NFIB: variants seen among roughly 807,000 people sequenced by gnomAD.
NFIB encodes nuclear factor I B.
In NFIB, 11 loss-of-function variants were observed where a neutral mutation model predicts 61.5. The ratio of observed to expected loss-of-function variants is 0.18; its 90% CI spans 0.11 to 0.30. NFIB has a LOEUF of 0.30. Among genes scored for constraint, NFIB ranks in the 10% least tolerant of loss-of-function variants. NFIB has a pLI of 1.00. For synonymous variants in NFIB, 260 were observed against 216.5 expected (o/e 1.20, Z -1.76); for missense variants, 471 against 608.9 (o/e 0.77, Z 2.38).
intron 1 of NFIB, among the ~76,000 whole-genome samples, chr9:14,344,132 G>C (rs1358736061): frequency 6.7e-6 from 1 of 148,954 alleles, no homozygotes; most frequent in Non-Finnish European, 1.5e-5. Context: ...GAGAGAGAGA[G>C]AGAAACACTA....
chr9:14,247,224 A>G (rs544912084), intron 2 of NFIB, among the ~76,000 whole-genome samples: 2 of 152,344 alleles, frequency 1.3e-5, no homozygotes, highest in African/African-American at 4.8e-5. Flanking sequence ...AGAGAACTTG[A>G]ACAGTCCACA....
the NFIB span, among the ~76,000 whole-genome samples, chr9:14,500,662 A>G: frequency 6.6e-6 from 1 of 152,202 alleles, no homozygotes; most frequent in African/African-American, 2.4e-5. Flanking sequence ...CAAACAAAAA[A>G]TCCAACTCAA....
chr9:14,352,821 G>A (rs2061129636), intron 1 of NFIB, among the ~76,000 whole-genome samples: 1 of 152,348 alleles, frequency 6.6e-6, no homozygotes, highest in Admixed American at 6.5e-5. Context: ...GAAGGACCCT[G>A]TAGCCTTTCC....
the NFIB span, among the ~76,000 whole-genome samples, chr9:14,424,446 C>T: frequency 6.0e-4 from 92 of 152,298 alleles, 1 homozygote; most frequent in African/African-American, 2.2e-3. Flanking sequence ...ATTAAATAAA[C>T]CTGTTTACCT....
the NFIB span, among the ~76,000 whole-genome samples, chr9:14,498,418 G>T: frequency 2.6e-5 from 4 of 152,184 alleles, no homozygotes; most frequent in Non-Finnish European, 5.9e-5. Flanking sequence ...TGGGTAGCGT[G>T]GACAACCAGT....
At chr9:14,515,650 G>A in the NFIB span, among the ~76,000 whole-genome samples, 1 of 152,110 alleles carries the variant, frequency 6.6e-6, no homozygotes, top group East Asian at 1.9e-4. Flanking sequence ...TTATGCCTCT[G>A]AACGTCTGAG....
chr9:14,173,315 CT>C (rs1339721118), intron 3 of NFIB, among the ~76,000 whole-genome samples: 2 of 152,176 alleles, frequency 1.3e-5, no homozygotes, highest in African/African-American at 4.8e-5. Context: ...GCTCTTTTCA[CT>C]CCACCATGCC....
the NFIB span, among the ~76,000 whole-genome samples, chr9:14,451,353 G>A: frequency 1.1e-4 from 16 of 152,296 alleles, no homozygotes; most frequent in African/African-American, 3.6e-4. Context: ...TTATTGTGAA[G>A]CATTTTAAAC....
At chr9:14,347,424 CT>C in intron 1 of NFIB, 1 of 152,512 alleles carries the variant, frequency 6.6e-6, no homozygotes, top group Admixed American at 6.5e-5. Context: ...AGAGGGACTC[CT>C]TTTCTCCTCC....
At chr9:14,285,973 G>A (rs1433212774) in intron 2 of NFIB, among the ~76,000 whole-genome samples, 1 of 151,042 alleles carries the variant, frequency 6.6e-6, no homozygotes, top group African/African-American at 2.5e-5. Context: ...ATTTTAGATA[G>A]TACTCCTGAT....
chr9:14,501,260 A>C, the NFIB span, among the ~76,000 whole-genome samples: 401 of 152,238 alleles, frequency 2.6e-3, 4 homozygotes, highest in African/African-American at 9.3e-3. Context: ...CATACTATTT[A>C]GAGACAAATA....
chr9:14,158,110 C>CAAAAA (rs372875773), intron 3 of NFIB, among the ~76,000 whole-genome samples: 9 of 64,278 alleles, frequency 1.4e-4, no homozygotes, highest in Non-Finnish European at 2.6e-4. Context: ...GACTCCATCT[C>CAAAAA]AAAAAAAAAA....
intron 1 of NFIB, among the ~76,000 whole-genome samples, chr9:14,334,358 A>G (rs1463181449): frequency 1.3e-5 from 2 of 152,202 alleles, no homozygotes; most frequent in African/African-American, 4.8e-5. Flanking sequence ...TAATTGCTTC[A>G]CATCTTCATC....
At chr9:14,290,514 T>C (rs2132531904) in intron 2 of NFIB, among the ~76,000 whole-genome samples, 1 of 152,150 alleles carries the variant, frequency 6.6e-6, no homozygotes. Flanking sequence ...GGAAACTGAA[T>C]CTTAGAAAAT....
chr9:14,187,568 A>G (rs889585839), intron 2 of NFIB, among the ~76,000 whole-genome samples: 3 of 152,184 alleles, frequency 2.0e-5, no homozygotes, highest in Non-Finnish European at 2.9e-5. Flanking sequence ...GAGAGTAGAT[A>G]TACGATATAT....
At chr9:14,187,772 G>A (rs1294148816) in intron 2 of NFIB, among the ~76,000 whole-genome samples, 1 of 151,622 alleles carries the variant, frequency 6.6e-6, no homozygotes, top group Admixed American at 6.6e-5. Context: ...ATTTAAGGTG[G>A]AAAAAAAATC....
At chr9:14,288,581 C>G (rs778968840) in intron 2 of NFIB, among the ~76,000 whole-genome samples, 1 of 152,060 alleles carries the variant, frequency 6.6e-6, no homozygotes, top group Admixed American at 6.5e-5. Flanking sequence ...CCTGAGAAAA[C>G]TCTGCTTAAC....
At chr9:14,457,766 GA>G in the NFIB span, among the ~76,000 whole-genome samples, 1 of 152,254 alleles carries the variant, frequency 6.6e-6, no homozygotes, top group East Asian at 1.9e-4. Flanking sequence ...AGAAAATCTA[GA>G]AGAAATGGAT....
upstream of NFIB, among the ~76,000 whole-genome samples, chr9:14,399,518 T>C (rs1481402089): frequency 6.6e-6 from 1 of 152,202 alleles, no homozygotes; most frequent in Non-Finnish European, 1.5e-5. Flanking sequence ...AATAACAGCT[T>C]GAAATAAAAA....
Sources: allele counts gnomAD v4.1 joint callset (sites outside exome capture counted in the v4.1 genomes callset), GRCh38; gene constraint gnomAD v4.1.1; transcripts MANE v1.5; gene names NCBI Gene and HGNC (gene_info 2026-07-23, HGNC 2026-07-21).